Variants in HAT1 observed in about 807,000 individuals in gnomAD.
HAT1 encodes the protein histone acetyltransferase type B catalytic subunit.
HAT1 carries 20 observed loss-of-function variants against 56.6 expected under a neutral mutation model. The ratio of observed to expected loss-of-function variants is 0.35; its 90% CI spans 0.25 to 0.51. The LOEUF is 0.51. HAT1 is among the 20% of genes least tolerant of loss of function. HAT1 has a pLI of 0.95. For missense variants in HAT1, 408 were observed against 504.3 expected, an observed-to-expected ratio of 0.81 and a Z score of 1.83; for synonymous variants, 146 against 165.5, an observed-to-expected ratio of 0.88 and a Z score of 0.91.
Position 171,943,336 on chromosome 2 carries a change from G to A in HAT1, c.113-3372G>A, listed in dbSNP as rs147993605. ...TGAGGCAGGAGAATCACTTGAACCC[G>A]GGAGGCAGAGGTTGCAGTGAGCCGA... On this transcript the variant is annotated intron_variant, in intron 2 of 10. Transcript: ENST00000264108. Among the ~76,000 whole-genome samples, 34 of 146,406 alleles carry A rather than the reference G, an allele frequency of 2.3e-4. 1 individual carries two copies. The highest frequency in any genetic ancestry group is 7.5e-4 in the African/African-American group (30 of 39,918).
chr2:171,972,933 C>A (rs890207933), intron 8 of HAT1, among the ~76,000 whole-genome samples: 2 of 152,184 alleles, frequency 1.3e-5, no homozygotes, highest in African/African-American at 4.8e-5. Flanking sequence ...TTGAAATCTC[C>A]TTTGGCCTGC....
At chr2:171,974,759 T>C (rs1374810479) in intron 8 of HAT1, among the ~76,000 whole-genome samples, 1 of 152,216 alleles carries the variant, frequency 6.6e-6, no homozygotes, top group Non-Finnish European at 1.5e-5. Context: ...TTCTAGATAG[T>C]TGATTATTGA....
chr2:171,976,425 G>A (rs1310630668), intron 9 of HAT1, 117 bp downstream of exon 9: 2 of 499,614 alleles, frequency 4.0e-6, no homozygotes, highest in Non-Finnish European at 6.5e-6. Context: ...ACTAGCAATG[G>A]TTAACAGTAC....
At position 171,937,757 on chromosome 2, in the gene HAT1, T is replaced by G. The variant is rs1035989177; in HGVS notation, c.113-8951T>G. ...ATAGAAGTAGCATGATGGTTAATTA[T>G]AGTAATGGAGCTGTAGGAAAAAGGG... On this transcript the variant is annotated intron_variant, in intron 2 of 10. Transcript: ENST00000264108. Among the ~76,000 whole-genome samples, 6 of 152,184 alleles carry G rather than the reference T, an allele frequency of 3.9e-5. No individual in the cohort carries two copies. The South Asian group carries it at 1.2e-3, about 32-fold the overall frequency.
chr2:171,970,972 G>A (rs1029606829), intron 8 of HAT1, among the ~76,000 whole-genome samples: 7 of 151,822 alleles, frequency 4.6e-5, no homozygotes, highest in South Asian at 2.1e-4. Flanking sequence ...AGGCCGAGGC[G>A]GGCAGATCAC....
At chr2:171,969,911 G>A (rs1480530552) in intron 8 of HAT1, among the ~76,000 whole-genome samples, 1 of 152,128 alleles carries the variant, frequency 6.6e-6, no homozygotes, top group African/African-American at 2.4e-5. Context: ...CCAGAAGTTT[G>A]GGAGGCTGAG....
chr2:171,938,231 AAAAG>A (rs1172494875), intron 2 of HAT1, among the ~76,000 whole-genome samples: 6 of 152,086 alleles, frequency 3.9e-5, no homozygotes, highest in Non-Finnish European at 5.9e-5. Flanking sequence ...CTGTCTCTAC[AAAAG>A]AAAGAAAGAA....
intron 8 of HAT1, among the ~76,000 whole-genome samples, chr2:171,967,304 G>C (rs1687705886): frequency 6.6e-6 from 1 of 152,032 alleles, no homozygotes; most frequent in African/African-American, 2.4e-5. Context: ...TTACATGTAG[G>C]GGCAGAATAT....
chr2:171,953,814 G>T (rs1025150037), intron 4 of HAT1, among the ~76,000 whole-genome samples: 5 of 151,776 alleles, frequency 3.3e-5, no homozygotes, highest in Non-Finnish European at 7.4e-5. Flanking sequence ...GGCCAACATG[G>T]TGAAACCCCG....
chr2:171,977,593 T>TA (rs1405514395), intron 9 of HAT1, among the ~76,000 whole-genome samples: 1 of 120,188 alleles, frequency 8.3e-6, no homozygotes, highest in Non-Finnish European at 1.7e-5. Context: ...GGTGCTTTCT[T>TA]AAAAAAAGAA....
At chr2:171,945,661 T>C (rs189774341) in intron 2 of HAT1, among the ~76,000 whole-genome samples, 34 of 151,110 alleles carry the variant, frequency 2.3e-4, no homozygotes, top group Admixed American at 2.2e-3. Flanking sequence ...GGCTAGCCAA[T>C]TATTTATTTA....
intron 2 of HAT1, among the ~76,000 whole-genome samples, chr2:171,945,660 A>ATTAT (rs1446981290): frequency 3.3e-5 from 5 of 151,366 alleles, no homozygotes; most frequent in East Asian, 1.9e-4. Flanking sequence ...TGGCTAGCCA[A>ATTAT]TTATTTATTT....
At chr2:171,953,486 C>T (rs958753647) in intron 4 of HAT1, among the ~76,000 whole-genome samples, 2 of 151,388 alleles carry the variant, frequency 1.3e-5, no homozygotes, top group Non-Finnish European at 2.9e-5. Flanking sequence ...GGAAACCAGC[C>T]TGGACAACAT....
At chr2:171,972,769 C>G (rs1687852269) in intron 8 of HAT1, among the ~76,000 whole-genome samples, 1 of 152,266 alleles carries the variant, frequency 6.6e-6, no homozygotes, top group Non-Finnish European at 1.5e-5. Flanking sequence ...ACTGCATTCA[C>G]TTTCCTGACA....
chr2:171,933,619 A>C (rs1686797662), intron 2 of HAT1, among the ~76,000 whole-genome samples: 2 of 152,092 alleles, frequency 1.3e-5, no homozygotes, highest in African/African-American at 4.8e-5. Context: ...GCTCAATTCA[A>C]AATATTTTTA....
intron 2 of HAT1, among the ~76,000 whole-genome samples, chr2:171,943,316 C>G (rs1687071029): frequency 7.3e-6 from 1 of 136,096 alleles, no homozygotes; most frequent in Non-Finnish European, 1.5e-5. Flanking sequence ...GAGGCTGAGG[C>G]AGGAGAATCA....
At position 171,979,259 on chromosome 2, in the gene HAT1, AG is replaced by A. The variant is rs1688069270; in HGVS notation, c.991del (p.Val331PhefsTer9). The A allele has an allele frequency of 6.5e-7, 1 of 1,545,328 alleles. No homozygotes were observed. The highest frequency in any genetic ancestry group is 8.8e-7 in the Non-Finnish European group (1 of 1,131,438). Reference protein sequence around the residue: ...KFKINKQHARRVYEILRLLVT... With the variant: ...KFKINKQHARXVYEILRLLVT... ...TGTTTCATTCTAGCAACACGCTAGA[AG>A]GGTTTATGAAATTCTTCGACTACTG... On this transcript the variant is annotated frameshift_variant, in exon 10 of 11. Transcript: ENST00000264108. LOFTEE classifies it high-confidence loss of function.
At chr2:171,957,361 C>T (rs1407305204) in intron 4 of HAT1, among the ~76,000 whole-genome samples, 1 of 152,136 alleles carries the variant, frequency 6.6e-6, no homozygotes, top group African/African-American at 2.4e-5. Context: ...GGCAGTGGCT[C>T]CTTTCTTCCT....
intron 8 of HAT1, among the ~76,000 whole-genome samples, chr2:171,968,316 T>C (rs1228113847): frequency 2.0e-5 from 3 of 152,162 alleles, no homozygotes; most frequent in African/African-American, 4.8e-5. Context: ...TATTAACTTA[T>C]AGAGCTTAGA....
Sources: allele counts gnomAD v4.1 joint callset (sites outside exome capture counted in the v4.1 genomes callset), GRCh38; gene constraint gnomAD v4.1.1; transcripts MANE v1.5; gene names NCBI Gene and HGNC (gene_info 2026-07-23, HGNC 2026-07-21).